The following CMIP variants were observed in gnomAD, a reference collection of about 807,000 sequenced individuals.
CMIP encodes the protein C-Maf-inducing protein.
CMIP carries 13 observed loss-of-function variants against 97.3 expected under a neutral mutation model. The ratio of observed to expected loss-of-function variants is 0.13; its 90% CI spans 0.09 to 0.21. The LOEUF (loss-of-function observed/expected upper bound fraction) is 0.21. Among genes scored for constraint, CMIP ranks in the 10% least tolerant of loss-of-function variants. The pLI is 1.00. For synonymous variants in CMIP, 538 were observed against 436.3 expected (o/e 1.23, Z -2.91); for missense variants, 847 against 1,024.9 (o/e 0.83, Z 2.37).
At position 81,444,836 on chromosome 16, in the gene CMIP, A is replaced by G. The variant is rs867807031; in HGVS notation, c.-406A>G. Among the ~76,000 whole-genome samples the G allele has an allele frequency of 2.2e-4, 31 of 140,906 alleles. No homozygotes were observed. Among genetic ancestry groups the G allele is most frequent in the South Asian group, 4.3e-4 (2 of 4,610 alleles). 92.4% of individuals were successfully genotyped at this position (140,906 alleles called of 152,430 possible). On this transcript the variant is annotated 5_prime_UTR_variant, in exon 1 of 21. Transcript: ENST00000537098. ...CTCGCCCGGACGGCCGCGCGGACAC[A>G]CGCTCTGTACACACGCGCGCGGCGG...
intron 1 of CMIP, among the ~76,000 whole-genome samples, chr16:81,467,017 A>G (rs775432258): frequency 1.1e-4 from 17 of 152,016 alleles, no homozygotes; most frequent in Non-Finnish European, 1.6e-4. Context: ...ATAAACAGAA[A>G]CCCCCAAACT....
intron 1 of CMIP, among the ~76,000 whole-genome samples, chr16:81,550,330 G>C (rs2090628254): frequency 1.3e-5 from 2 of 152,200 alleles, no homozygotes; most frequent in Non-Finnish European, 2.9e-5. Context: ...GAAGGTCATG[G>C]GTCATAGGTG....
At chr16:81,702,553 CAG>C in intron 16 of CMIP, 67 bp from the exon 17 acceptor site, 1 of 1,444,932 alleles carries the variant, frequency 6.9e-7, no homozygotes, top group Non-Finnish European at 9.6e-7. Flanking sequence ...GTGTTGTTAA[CAG>C]AGGTGGAAGT....
Position 81,668,282 on chromosome 16 carries a change from G to A in CMIP, c.826-1860G>A, listed in dbSNP as rs531122972. On this transcript the variant is annotated intron_variant, in intron 7 of 20. Coordinates refer to ENST00000537098, the MANE Select transcript of CMIP (RefSeq NM_198390.3). ...GGACGGTGCCGCTCCTGGGTGGCCA[G>A]ACACAGCCCGAGGGGCTGGCAGTCC... Among the ~76,000 whole-genome samples the A allele has an allele frequency of 3.3e-5, 5 of 152,270 alleles. 1 individual carries two copies. The highest frequency in any genetic ancestry group is 1.2e-4 in the African/African-American group (5 of 41,554).
At chr16:81,613,271 A>G (rs910279043) in intron 2 of CMIP, among the ~76,000 whole-genome samples, 4 of 152,166 alleles carry the variant, frequency 2.6e-5, no homozygotes, top group African/African-American at 7.2e-5. Flanking sequence ...GGCAGCTACC[A>G]TGGAGAAATA....
intron 1 of CMIP, among the ~76,000 whole-genome samples, chr16:81,584,370 A>G (rs545077096): frequency 1.3e-5 from 2 of 152,290 alleles, no homozygotes; most frequent in South Asian, 4.1e-4. Context: ...GAATGAATAA[A>G]CTGTGAGTCT....
At chr16:81,642,903 A>G (rs1252097930) in intron 3 of CMIP, among the ~76,000 whole-genome samples, 1 of 149,796 alleles carries the variant, frequency 6.7e-6, no homozygotes, top group Non-Finnish European at 1.5e-5. Flanking sequence ...CTCGCAAAAA[A>G]AAGAAAGAAA....
chr16:81,585,708 T>A (rs1366847340), intron 1 of CMIP, among the ~76,000 whole-genome samples: 1 of 126,456 alleles, frequency 7.9e-6, no homozygotes, highest in Non-Finnish European at 1.8e-5. Flanking sequence ...TCCCTGGACC[T>A]TAGAAATTCC....
At chr16:81,553,557 G>C (rs1484925235) in intron 1 of CMIP, among the ~76,000 whole-genome samples, 1 of 152,228 alleles carries the variant, frequency 6.6e-6, no homozygotes, top group African/African-American at 2.4e-5. Context: ...AGGCAACTGT[G>C]ACGCCCTGTG....
chr16:81,548,295 G>A (rs183475726), intron 1 of CMIP, among the ~76,000 whole-genome samples: 1 of 152,046 alleles, frequency 6.6e-6, no homozygotes, highest in East Asian at 1.9e-4. Flanking sequence ...CACCACTCCT[G>A]GCTAATTTTT....
intron 6 of CMIP, among the ~76,000 whole-genome samples, 184 bp from the exon 7 acceptor site, chr16:81,664,085 G>A (rs1006235166): frequency 1.3e-5 from 2 of 152,148 alleles, no homozygotes; most frequent in African/African-American, 4.8e-5. Context: ...TCTCCGTTCT[G>A]CTCTGAACCT....
intron 1 of CMIP, among the ~76,000 whole-genome samples, chr16:81,578,689 G>C (rs2091243698): frequency 1.3e-5 from 2 of 152,188 alleles, no homozygotes; most frequent in African/African-American, 4.8e-5. Flanking sequence ...TTGGTTTTTT[G>C]CACGTGGGAG....
At position 81,621,106 on chromosome 16, in the gene CMIP, T is replaced by C. The variant is rs1345612466; in HGVS notation, c.477+180T>C. 2 of 627,196 alleles carry C rather than the reference T, an allele frequency of 3.2e-6. No homozygotes were observed. Among genetic ancestry groups the C allele is most frequent in the Non-Finnish European group, 5.5e-6 (2 of 361,616 alleles). 38.9% of individuals were successfully genotyped at this position (627,196 alleles called of 1,614,324 possible). On this transcript the variant is annotated intron_variant, in intron 3 of 20. Coordinates refer to ENST00000537098, the MANE Select transcript of CMIP (RefSeq NM_198390.3). This position sits in a 1 kb window ranked among gnomAD's most constrained non-coding sequence, Gnocchi z 4.1. ...CCTTCGTCCTCTGCTGTTCAATTCC[T>C]GTCCCCTGCAGTGCTGAAATAGCAT...
chr16:81,664,569 T>C, intron 7 of CMIP: 1 of 575,326 alleles, frequency 1.7e-6, no homozygotes, highest in South Asian at 2.3e-5. Context: ...TTCCTAAGAA[T>C]TACAAAAATA....
At chr16:81,500,252 T>TTCCG (rs1331284713) in intron 1 of CMIP, among the ~76,000 whole-genome samples, 2 of 143,956 alleles carry the variant, frequency 1.4e-5, no homozygotes, top group African/African-American at 5.2e-5. Context: ...CCTTCCTTCC[T>TTCCG]TCCGTCCTTC....
intron 1 of CMIP, among the ~76,000 whole-genome samples, chr16:81,577,028 C>G (rs1405401130): frequency 2.8e-5 from 4 of 144,934 alleles, no homozygotes; most frequent in East Asian, 1.9e-4. Flanking sequence ...ATCACTATCA[C>G]CATCACCATC....
intron 1 of CMIP, among the ~76,000 whole-genome samples, chr16:81,551,898 C>T (rs2090665544): frequency 6.6e-6 from 1 of 152,220 alleles, no homozygotes; most frequent in Admixed American, 6.5e-5. Flanking sequence ...GACAAAGACT[C>T]CCCGGTCCAG....
chr16:81,465,243 A>G (rs76382178), intron 1 of CMIP, among the ~76,000 whole-genome samples: 2,939 of 152,306 alleles, frequency 0.019, 42 homozygotes, highest in Middle Eastern at 0.034. Context: ...GTTCATTTGC[A>G]TGTGCCGTTT....
chr16:81,601,893 C>A, intron 1 of CMIP, among the ~76,000 whole-genome samples: 1 of 152,170 alleles, frequency 6.6e-6, no homozygotes, highest in Admixed American at 6.5e-5. Context: ...AGCTGGTGGC[C>A]CAGGACAAAA....
Sources: gnomAD v4.1 joint callset for allele counts (sites outside exome capture counted in the v4.1 genomes callset) on GRCh38, gnomAD v4.1.1 for gene constraint, Gnocchi (gnomAD v3.1) non-coding constraint, MANE v1.5 for transcripts, NCBI Gene and HGNC (gene_info 2026-07-23, HGNC 2026-07-21) for gene names.